ANKS1B: variants seen among roughly 807,000 people sequenced by gnomAD.
ANKS1B encodes the protein ankyrin repeat and sterile alpha motif domain containing 1B.
ANKS1B carries 36 observed loss-of-function variants against 148.3 expected under a neutral mutation model. The ratio of observed to expected loss-of-function variants is 0.24; its 90% CI spans 0.19 to 0.32. The LOEUF is 0.32. Ranked by LOEUF, ANKS1B falls within the 10% of genes least tolerant of loss-of-function variation. ANKS1B has a pLI of 1.00. For missense variants in ANKS1B, 1,157 were observed against 1,542.6 expected (o/e 0.75, Z 4.19); for synonymous variants, 542 against 560.8 (o/e 0.97, Z 0.47).
At chr12:99,344,790 A>G (rs1019976075) in intron 12 of ANKS1B, 9 of 152,014 alleles carry the variant, frequency 5.9e-5, no homozygotes, top group African/African-American at 2.2e-4. Flanking sequence ...GCTAAAAGCA[A>G]TAAGAAAAAG....
Position 98,801,221 on chromosome 12 carries a change from A to T in ANKS1B, c.3142-96T>A. On this transcript the variant is annotated intron_variant, in intron 20 of 26. Coordinates refer to ENST00000683438, the MANE Select transcript of ANKS1B (RefSeq NM_001352186.2). The surrounding 1 kb of genome is among the most constrained non-coding windows in gnomAD (Gnocchi z 5.2). ...CTCACCTTACACACAGGTGCTGTGA[A>T]TGTACCAAAATGCATTTGGGTGTCT... 1 of 1,232,884 alleles carries T rather than the reference A, an allele frequency of 8.1e-7. No individual in the cohort carries two copies. The highest frequency in any genetic ancestry group is 1.1e-6 in the Non-Finnish European group (1 of 893,772). The allele number at this position is 1,232,884 out of a possible 1,614,324, so 76.4% of individuals were successfully genotyped here.
intron 15 of ANKS1B, chr12:99,104,916 C>A (rs1220869133): frequency 6.6e-6 from 1 of 152,208 alleles, no homozygotes; most frequent in Non-Finnish European, 1.5e-5. Flanking sequence ...AAAGACAGAC[C>A]AGACTACCTT....
chr12:99,300,483 A>G (rs1021834184), intron 12 of ANKS1B, among the ~76,000 whole-genome samples: 2 of 152,154 alleles, frequency 1.3e-5, no homozygotes, highest in Admixed American at 1.3e-4. Flanking sequence ...TAAGAAAAAA[A>G]AAACAACACA....
chr12:99,972,094 C>T (rs1442518093), intron 1 of ANKS1B, among the ~76,000 whole-genome samples: 1 of 152,032 alleles, frequency 6.6e-6, no homozygotes, highest in African/African-American at 2.4e-5. Context: ...GTGTTCTCAC[C>T]ACTCCACCAA....
intron 17 of ANKS1B, among the ~76,000 whole-genome samples, chr12:98,891,754 T>A (rs760727637): frequency 1.7e-5 from 2 of 118,234 alleles, no homozygotes; most frequent in Non-Finnish European, 3.8e-5. Flanking sequence ...ATATGCATAC[T>A]TTTTTTCAGT....
At chr12:99,844,717 G>A (rs958050726) in intron 1 of ANKS1B, among the ~76,000 whole-genome samples, 4 of 152,010 alleles carry the variant, frequency 2.6e-5, no homozygotes, top group African/African-American at 4.8e-5. Context: ...TTTGCTATTT[G>A]GGCTCTTTTT....
intron 16 of ANKS1B, among the ~76,000 whole-genome samples, chr12:99,060,698 CACAT>C (rs759469215): frequency 0.064 from 2,691 of 42,092 alleles, 69 homozygotes; most frequent in African/African-American, 0.12. Context: ...CACACACACA[CACAT>C]ATATATAGAG....
chr12:99,231,980 G>T (rs2086935460), intron 14 of ANKS1B, among the ~76,000 whole-genome samples: 1 of 152,112 alleles, frequency 6.6e-6, no homozygotes, highest in Non-Finnish European at 1.5e-5. Flanking sequence ...GAGTTCCTAA[G>T]GTCCTAGAAA....
rs545611235 is a variant in ANKS1B, at chr12:99,455,406, T to C, written c.1439-11597A>G. Among the ~76,000 whole-genome samples, 31 of 152,240 alleles carry C rather than the reference T, an allele frequency of 2.0e-4. 1 individual carries two copies. In the South Asian group the frequency reaches 3.7e-3, roughly 18 times the overall value. ...TGAACTTTTGCTCCAAGAACTACCA[T>C]AGGAACATACCAGGAAAGCAGAGAA... On this transcript the variant is annotated intron_variant, in intron 10 of 26. Transcript: ENST00000683438.
At chr12:99,580,575 G>C (rs560677551) in intron 9 of ANKS1B, among the ~76,000 whole-genome samples, 3 of 152,228 alleles carry the variant, frequency 2.0e-5, no homozygotes, top group South Asian at 2.1e-4. Context: ...TAGAATGGTG[G>C]CTACCAGAGG....
intron 25 of ANKS1B, among the ~76,000 whole-genome samples, chr12:98,752,304 G>C (rs1566027687): frequency 1.3e-5 from 2 of 151,030 alleles, no homozygotes; most frequent in Admixed American, 6.6e-5. Flanking sequence ...TGTCACCCAG[G>C]CTGGAGTGCA....
intron 17 of ANKS1B, among the ~76,000 whole-genome samples, chr12:98,861,916 A>G (rs1288551532): frequency 6.6e-6 from 1 of 152,224 alleles, no homozygotes; most frequent in African/African-American, 2.4e-5. Flanking sequence ...GATCCAAAGT[A>G]ACACTGCCAT....
intron 8 of ANKS1B, among the ~76,000 whole-genome samples, chr12:99,676,159 G>A (rs986687362): frequency 1.3e-5 from 2 of 152,078 alleles, no homozygotes; most frequent in African/African-American, 2.4e-5. Context: ...AGAAGGACAT[G>A]TTTGCTTCCC....
At chr12:99,342,824 T>G (rs965358210) in intron 12 of ANKS1B, among the ~76,000 whole-genome samples, 1 of 149,716 alleles carries the variant, frequency 6.7e-6, no homozygotes, top group Admixed American at 6.6e-5. Context: ...AGTAGATTAG[T>G]TTTTTCTCTT....
At chr12:98,765,136 CA>C (rs1259747203) in intron 25 of ANKS1B, among the ~76,000 whole-genome samples, 1 of 152,198 alleles carries the variant, frequency 6.6e-6, no homozygotes, top group Non-Finnish European at 1.5e-5. Flanking sequence ...GTGTCCTCGG[CA>C]GCTAAGAGTT....
Position 98,829,030 on chromosome 12 carries a change from A to G in ANKS1B, c.3066+144T>C. ...TTTCTGTCTCGGTCTAGTTCAGATG[A>G]GCAAGGAATGAAAGGCGGGGCATAA... On this transcript the variant is annotated intron_variant, in intron 19 of 26. Transcript: ENST00000683438. This position sits in a 1 kb window ranked among gnomAD's most constrained non-coding sequence, Gnocchi z 5.2. The G allele has an allele frequency of 1.1e-6, 1 of 927,984 alleles. No individual in the cohort carries two copies. The highest frequency in any genetic ancestry group is 1.7e-6 in the Non-Finnish European group (1 of 598,406). 57.5% of individuals were successfully genotyped at this position (927,984 alleles called of 1,614,324 possible). A position where few individuals can be genotyped will look rare whatever the true frequency, so the allele number is the denominator to read the frequency against.
intron 12 of ANKS1B, among the ~76,000 whole-genome samples, chr12:99,345,930 C>T (rs2090607552): frequency 1.3e-5 from 2 of 151,986 alleles, no homozygotes; most frequent in African/African-American, 4.8e-5. Flanking sequence ...AATTACTTTG[C>T]ACCTGTCCTA....
At chr12:99,345,945 T>A (rs1031537557) in intron 12 of ANKS1B, among the ~76,000 whole-genome samples, 1 of 152,026 alleles carries the variant, frequency 6.6e-6, no homozygotes, top group Admixed American at 6.6e-5. Context: ...GTCCTAATCA[T>A]ACCTGAAGGT....
intron 1 of ANKS1B, among the ~76,000 whole-genome samples, chr12:99,889,888 C>A (rs993466776): frequency 3.3e-5 from 5 of 152,128 alleles, no homozygotes; most frequent in Admixed American, 2.6e-4. Flanking sequence ...CACAGTGGGG[C>A]TCACACTGTA....
Sources: gnomAD v4.1 joint callset for allele counts (sites outside exome capture counted in the v4.1 genomes callset) on GRCh38, gnomAD v4.1.1 for gene constraint, Gnocchi (gnomAD v3.1) non-coding constraint, MANE v1.5 for transcripts, NCBI Gene and HGNC (gene_info 2026-07-23, HGNC 2026-07-21) for gene names.